KATNAL2: variants seen among roughly 807,000 people sequenced by gnomAD.
KATNAL2 encodes the protein katanin catalytic subunit A1 like 2, also known as katanin p60 ATPase-containing subunit A-like 2.
In KATNAL2, 52 loss-of-function variants were observed where a neutral mutation model predicts 76.3. The observed-to-expected ratio is 0.68, with a 90% confidence interval of 0.55 to 0.86. The LOEUF (loss-of-function observed/expected upper bound fraction) is 0.86. Ranked by LOEUF, KATNAL2 falls within the 40% of genes least tolerant of loss-of-function variation. KATNAL2 has a pLI of 0.00. For synonymous variants in KATNAL2, 243 were observed against 244.2 expected (o/e 1.00, Z 0.05); for missense variants, 660 against 668.9 (o/e 0.99, Z 0.15).
intron 3 of KATNAL2, among the ~76,000 whole-genome samples, chr18:46,967,297 C>T (rs2848893): frequency 8.3e-6 from 1 of 119,888 alleles, no homozygotes; most frequent in East Asian, 2.2e-4. Flanking sequence ...TCACGTGCAC[C>T]GGCATCCACT....
At chr18:47,076,793 TAAATTA>T (rs894840122) in intron 14 of KATNAL2, among the ~76,000 whole-genome samples, 3 of 130,608 alleles carry the variant, frequency 2.3e-5, no homozygotes, top group African/African-American at 8.4e-5. Flanking sequence ...ATATAATAAA[TAAATTA>T]TATATATATA....
chr18:46,965,047 C>T (rs1599504359), intron 3 of KATNAL2, among the ~76,000 whole-genome samples: 1 of 122,762 alleles, frequency 8.1e-6, no homozygotes, highest in African/African-American at 3.0e-5. Context: ...CAGAGGATGA[C>T]AACTCTTTAC....
intron 3 of KATNAL2, chr18:47,033,505 T>A (rs756783087): frequency 6.2e-7 from 1 of 1,614,196 alleles, no homozygotes; most frequent in Admixed American, 1.7e-5. Flanking sequence ...GAAACAATGA[T>A]TCCTCCGTAA....
At chr18:47,073,653 C>A (rs1336181600) in intron 13 of KATNAL2, among the ~76,000 whole-genome samples, 1 of 152,160 alleles carries the variant, frequency 6.6e-6, no homozygotes, top group Non-Finnish European at 1.5e-5. Flanking sequence ...TTCCTCCCTC[C>A]CCTACTAATG....
At chr18:47,033,097 GGC>G (rs2060559298) in intron 3 of KATNAL2, 1 of 1,614,108 alleles carries the variant, frequency 6.2e-7, no homozygotes, top group East Asian at 2.2e-5. Flanking sequence ...TTTGGCCGCG[GGC>G]GCCGCGTGCT....
chr18:47,075,429 G>T (rs539506715), intron 14 of KATNAL2, 61 bp downstream of exon 14: 94 of 1,253,172 alleles, frequency 7.5e-5, no homozygotes, highest in Non-Finnish European at 9.7e-5. Flanking sequence ...CTCCCCTCTT[G>T]TGTGTTTGAT....
At chr18:46,951,815 G>T (rs1952836768) in intron 3 of KATNAL2, among the ~76,000 whole-genome samples, 1 of 152,072 alleles carries the variant, frequency 6.6e-6, no homozygotes, top group African/African-American at 2.4e-5. Context: ...GCAGGGTCTT[G>T]CTCTGTCAGC....
chr18:47,084,840 CTCTG>C (rs1256105260), intron 15 of KATNAL2, among the ~76,000 whole-genome samples: 3 of 68,456 alleles, frequency 4.4e-5, no homozygotes, highest in African/African-American at 9.6e-5. Context: ...CAGAGCAAGA[CTCTG>C]TCTAAAAAAA....
rs376877321 is a variant in KATNAL2, at chr18:47,043,245, A to AAAT, written c.52-3212_52-3211insAAT. 3.5e-4 allele frequency among the ~76,000 whole-genome samples: 33 copies of AAAT among 93,192 alleles called. 5 individuals are homozygous for AAAT. Among genetic ancestry groups the AAAT allele is most frequent in the East Asian group, 1.5e-3 (4 of 2,630 alleles). The allele number at this position is 93,192 out of a possible 152,430, so 61.1% of individuals were successfully genotyped here. A position where few individuals can be genotyped will look rare whatever the true frequency, so the allele number is the denominator to read the frequency against. On this transcript the variant is annotated intron_variant, in intron 3 of 17. Coordinates refer to ENST00000683218, the MANE Select transcript of KATNAL2 (RefSeq NM_001387690.1). ...CCGTTTCAAAAAAAAAAAAAAAAAA[A>AAAT]GAGATCCTAAAAGCTTCCTGGGAAG...
At chr18:46,957,287 G>C (rs577738050) in intron 3 of KATNAL2, among the ~76,000 whole-genome samples, 3,396 of 125,066 alleles carry the variant, frequency 0.027, 78 homozygotes, top group Middle Eastern at 0.051. Context: ...ACGGAGTCTC[G>C]CTGTCGCCCA....
At chr18:46,935,973 T>C (rs2059078657) in intron 1 of KATNAL2, among the ~76,000 whole-genome samples, 1 of 152,056 alleles carries the variant, frequency 6.6e-6, no homozygotes, top group Non-Finnish European at 1.5e-5. Flanking sequence ...ACTATAAATA[T>C]CTGTTGAGGA....
chr18:46,955,521 GCTTC>G (rs555737857), intron 3 of KATNAL2, among the ~76,000 whole-genome samples: 11 of 151,118 alleles, frequency 7.3e-5, no homozygotes, highest in Admixed American at 4.0e-4. Context: ...CGCGCCTGAC[GCTTC>G]CTTCCTTCCT....
intron 3 of KATNAL2, chr18:47,034,470 C>G (rs1345620204): frequency 6.8e-6 from 11 of 1,614,174 alleles, no homozygotes; most frequent in Non-Finnish European, 5.1e-6. Flanking sequence ...CCCAGGAGGG[C>G]ATCCTTGGGG....
chr18:46,956,363 A>G (rs1319546855), intron 3 of KATNAL2, among the ~76,000 whole-genome samples: 2 of 152,114 alleles, frequency 1.3e-5, no homozygotes, highest in Admixed American at 6.6e-5. Flanking sequence ...TATTTTTAGA[A>G]AGGCCATTTT....
intron 3 of KATNAL2, among the ~76,000 whole-genome samples, chr18:47,037,386 T>C (rs1290376213): frequency 2.6e-5 from 4 of 152,328 alleles, no homozygotes; most frequent in African/African-American, 9.6e-5. Context: ...TATTGAAACA[T>C]GCAAATGAGA....
Position 47,101,408 on chromosome 18 carries a change from T to G in KATNAL2, c.*403T>G. 1 of 192,406 alleles carries G rather than the reference T, an allele frequency of 5.2e-6. No homozygotes were observed. The highest frequency in any genetic ancestry group is 1.0e-4 in the South Asian group (1 of 9,852). The allele number at this position is 192,406 out of a possible 1,614,324, so 11.9% of individuals were successfully genotyped here. ...GGGGCAGCCAAGTAGAAGCTAAGCTTGACAGGCACTGCCCAGCTGACAGTC... is the reference window on the plus strand; with the variant it reads ...GGGGCAGCCAAGTAGAAGCTAAGCTGGACAGGCACTGCCCAGCTGACAGTC... On this transcript the variant is annotated 3_prime_UTR_variant, in exon 18 of 18. Coordinates refer to ENST00000683218, the MANE Select transcript of KATNAL2 (RefSeq NM_001387690.1).
chr18:47,033,761 C>T, intron 3 of KATNAL2: 13 of 1,614,236 alleles, frequency 8.1e-6, no homozygotes, highest in African/African-American at 1.3e-5. Context: ...CCAGGGAAAG[C>T]AGCTTCCTCC....
chr18:46,918,354 C>T (rs1487880738), intron 1 of KATNAL2, among the ~76,000 whole-genome samples: 3 of 152,142 alleles, frequency 2.0e-5, no homozygotes, highest in Non-Finnish European at 2.9e-5. Flanking sequence ...TTTTAAGGCC[C>T]TGTTTAATCA....
At chr18:47,034,004 G>C in intron 3 of KATNAL2, 2 of 1,614,024 alleles carry the variant, frequency 1.2e-6, no homozygotes, top group Non-Finnish European at 1.7e-6. Context: ...CAGGACTCAC[G>C]AGTGCCCTTG....
Sources: gnomAD v4.1 joint callset for allele counts (sites outside exome capture counted in the v4.1 genomes callset) on GRCh38, gnomAD v4.1.1 for gene constraint, MANE v1.5 for transcripts, NCBI Gene and HGNC (gene_info 2026-07-23, HGNC 2026-07-21) for gene names.